ESD: variants seen among roughly 807,000 people sequenced by gnomAD.
The protein encoded by ESD is S-formylglutathione hydrolase.
In ESD, 34 loss-of-function variants were observed where a neutral mutation model predicts 38.1. The observed-to-expected ratio is 0.89, with a 90% CI of 0.68 to 1.19. The LOEUF (loss-of-function observed/expected upper bound fraction) is 1.19, where lower values mean the gene tolerates loss of function less well. Ranked by LOEUF, ESD falls within the 50% of genes most tolerant of loss-of-function variation. The probability of loss-of-function intolerance (pLI) is 0.00; values close to 1 mark genes in which losing one functional copy is unlikely to be tolerated. For missense variants in ESD, 334 were observed against 327.2 expected (o/e 1.02, Z -0.16); for synonymous variants, 97 against 107.0 (o/e 0.91, Z 0.58).
intron 5 of ESD, among the ~76,000 whole-genome samples, chr13:46,783,946 A>G (rs77036436): frequency 0.013 from 1,924 of 152,080 alleles, 53 homozygotes; most frequent in African/African-American, 0.043. Context: ...TGCATTACAC[A>G]TTAGTATTTT....
At chr13:46,794,157 C>CAAAAA (rs59985081) in intron 1 of ESD, among the ~76,000 whole-genome samples, 65,176 of 145,366 alleles carry the variant, frequency 0.45, 14,526 homozygotes, top group Middle Eastern at 0.47. Context: ...CCTTCCCCTC[C>CAAAAA]AAAAAACAAC....
At chr13:46,781,707 G>T in intron 6 of ESD, 92 bp from the exon 7 acceptor site, 1 of 1,159,536 alleles carries the variant, frequency 8.6e-7, no homozygotes, top group Non-Finnish European at 1.3e-6. Flanking sequence ...AATCAATACT[G>T]CCAAATCATA....
At chr13:46,777,658 C>T (rs1566278011) in intron 8 of ESD, 35 bp from the exon 9 acceptor site, 3 of 1,532,148 alleles carry the variant, frequency 2.0e-6, no homozygotes, top group Non-Finnish European at 1.8e-6. Flanking sequence ...AAAATAAATT[C>T]AAAGATACTC....
At position 46,781,545 on chromosome 13, in the gene ESD, C is replaced by G. The variant is rs775752401; in HGVS notation, c.452G>C (p.Gly151Ala). ...QRMSIFGHSM[G>A]GHGALICALK... The stretch of plus-strand genomic sequence containing the variant: ...AGCACAGATCAGAGCTCCATGACCT[C>G]CCATGGAGTGGCCAAAAATAGACAT... Residue 151 changes from glycine to alanine, a missense_variant, in exon 7 of 10, where the codon GGA becomes GCA. Gly to Ala is a moderately conservative substitution (Grantham distance 60). Transcript: ENST00000378720. 5 of 1,607,562 alleles carry G rather than the reference C, an allele frequency of 3.1e-6. No individual in the cohort carries two copies. Among genetic ancestry groups the G allele is most frequent in the Non-Finnish European group, 4.3e-6 (5 of 1,175,196 alleles).
At chr13:46,796,625 T>C (rs958585177) in intron 1 of ESD, among the ~76,000 whole-genome samples, 3 of 152,204 alleles carry the variant, frequency 2.0e-5, no homozygotes, top group Admixed American at 1.3e-4. Flanking sequence ...TGAGTGCTCC[T>C]GACCGCGCCA....
At chr13:46,788,029 C>T (rs886341730) in intron 3 of ESD, among the ~76,000 whole-genome samples, 11 of 151,916 alleles carry the variant, frequency 7.2e-5, no homozygotes, top group Admixed American at 2.0e-4. Flanking sequence ...TCTCTGCATG[C>T]CCCTACATTT....
intron 9 of ESD, among the ~76,000 whole-genome samples, chr13:46,772,539 A>C (rs938470705): frequency 7.9e-5 from 12 of 152,204 alleles, no homozygotes; most frequent in Admixed American, 5.9e-4. Context: ...GCCATCACCT[A>C]GGTATTAAGC....
intron 2 of ESD, among the ~76,000 whole-genome samples, chr13:46,792,803 A>G (rs981795616): frequency 7.2e-5 from 11 of 152,136 alleles, no homozygotes; most frequent in South Asian, 4.1e-4. Flanking sequence ...TAAATAATGA[A>G]CTTATAGAGA....
chr13:46,780,538 C>T (rs755387074), intron 7 of ESD, among the ~76,000 whole-genome samples: 16 of 151,554 alleles, frequency 1.1e-4, no homozygotes, highest in Non-Finnish European at 2.2e-4. Flanking sequence ...GAGATGGGAT[C>T]TCTCAACTTC....
At chr13:46,791,492 C>T in intron 2 of ESD, 72 bp from the exon 3 acceptor site, 1 of 1,114,128 alleles carries the variant, frequency 9.0e-7, no homozygotes, top group Admixed American at 2.2e-5. Context: ...AAACTAATTG[C>T]CTTCAGATAA....
chr13:46,779,432 G>A (rs1374899163), intron 8 of ESD, among the ~76,000 whole-genome samples: 3 of 151,326 alleles, frequency 2.0e-5, no homozygotes, highest in Non-Finnish European at 4.4e-5. Context: ...AATCTGAAAC[G>A]TTTTGAGTAC....
rs1389937551 is a variant in ESD at position 46,782,796 on chromosome 13, C to G, written c.257-5G>C. 1 of 1,611,554 alleles carries G rather than the reference C, an allele frequency of 6.2e-7. No individual in the cohort carries two copies. The highest frequency in any genetic ancestry group is 1.3e-5 in the African/African-American group (1 of 74,736). ...CACCTTTAATATTGCAGCCACCTAT[C>G]AAGAAACAATCTTGTGGTTTCATCT... On this transcript the variant is annotated splice_polypyrimidine_tract_variant and splice_region_variant and intron_variant, in intron 5 of 9. Transcript: ENST00000378720.
chr13:46,791,880 A>C (rs1452258851), intron 2 of ESD, among the ~76,000 whole-genome samples: 3 of 152,010 alleles, frequency 2.0e-5, no homozygotes, highest in Non-Finnish European at 4.4e-5. Context: ...ATAATATGTA[A>C]CATTACTGAA....
rs766423840 is a variant in ESD at position 46,784,284 on chromosome 13, C to A, written c.224G>T (p.Gly75Val). ...GGTATCTGGAGCAATGACAACAAGA[C>A]CATGTTCTGAAGCAGACTGATGATA... ...SGYHQSASEH[G>V]LVVIAPDTSP... The change falls in exon 5 of 10, where the codon GGT (glycine) becomes GTT (valine). Residue 75 changes from glycine (G) to valine (V), a missense_variant. Transcript: ENST00000378720. The A allele has an allele frequency of 1.2e-6, 2 of 1,611,864 alleles. No homozygotes were observed. Among genetic ancestry groups the A allele is most frequent in the Non-Finnish European group, 1.7e-6 (2 of 1,178,840 alleles).
chr13:46,775,735 T>C (rs1485271660), intron 9 of ESD: 1 of 464,462 alleles, frequency 2.2e-6, no homozygotes, highest in South Asian at 1.6e-5. Flanking sequence ...AGCTCAACAT[T>C]GTGACTCTGG....
At chr13:46,786,152 A>C (rs983821795) in intron 4 of ESD, among the ~76,000 whole-genome samples, 2 of 152,092 alleles carry the variant, frequency 1.3e-5, no homozygotes, top group African/African-American at 4.8e-5. Flanking sequence ...CTCTTCTAGC[A>C]AAATCAGTGC....
At chr13:46,789,070 T>C (rs945706232) in intron 3 of ESD, among the ~76,000 whole-genome samples, 2 of 152,190 alleles carry the variant, frequency 1.3e-5, no homozygotes, top group East Asian at 1.9e-4. Context: ...GCTAATTTGA[T>C]GTAAATGGCT....
intron 9 of ESD, among the ~76,000 whole-genome samples, chr13:46,772,765 A>C (rs1482349191): frequency 4.6e-5 from 7 of 151,392 alleles, no homozygotes; most frequent in African/African-American, 1.7e-4. Context: ...GCTCACTGCA[A>C]CCTCCACATC....
At chr13:46,792,402 T>C (rs1875431863) in intron 2 of ESD, among the ~76,000 whole-genome samples, 1 of 152,054 alleles carries the variant, frequency 6.6e-6, no homozygotes, top group South Asian at 2.1e-4. Context: ...CAAAGATGTA[T>C]AACAATAATC....
Sources: gnomAD v4.1 joint callset for allele counts (sites outside exome capture counted in the v4.1 genomes callset) on GRCh38, gnomAD v4.1.1 for gene constraint, MANE v1.5 for transcripts, NCBI Gene and HGNC (gene_info 2026-07-23, HGNC 2026-07-21) for gene names.